DLGAP1: variants seen among roughly 807,000 people sequenced by gnomAD.
DLGAP1 encodes disks large-associated protein 1.
DLGAP1 carries 11 observed loss-of-function variants against 90.8 expected under a neutral mutation model. The observed-to-expected ratio is 0.12, with a 90% CI of 0.08 to 0.20. DLGAP1 has a LOEUF of 0.20. Among genes scored for constraint, DLGAP1 ranks in the 10% least tolerant of loss-of-function variants. The pLI is 1.00. For missense variants in DLGAP1, 1,050 were observed against 1,333.8 expected (o/e 0.79, Z 3.31); for synonymous variants, 558 against 540.7 (o/e 1.03, Z -0.44).
At position 3,729,011 on chromosome 18, in the gene DLGAP1, G is replaced by A. The variant is rs2062305355; in HGVS notation, c.1591+124C>T. 1 of 1,401,668 alleles carries A rather than the reference G, an allele frequency of 7.1e-7. No homozygotes were observed. The highest frequency in any genetic ancestry group is 9.4e-7 in the Non-Finnish European group (1 of 1,058,834). 86.8% of individuals were successfully genotyped at this position (1,401,668 alleles called of 1,614,324 possible). A position where few individuals can be genotyped will look rare whatever the true frequency, so the allele number is the denominator to read the frequency against. On this transcript the variant is annotated intron_variant, in intron 7 of 12. Transcript: ENST00000315677. This position sits in a 1 kb window ranked among gnomAD's most constrained non-coding sequence, Gnocchi z 6.2. ...GATAGGGAAGGAAAACCTTTGGTTT[G>A]TAGGACATGGGTGGTATCTTGTTCC... is the stretch of plus-strand genomic sequence containing the variant.
chr18:4,414,669 T>C (rs1416667323), intron 1 of DLGAP1, among the ~76,000 whole-genome samples: 1 of 149,342 alleles, frequency 6.7e-6, no homozygotes, highest in Non-Finnish European at 1.5e-5. Flanking sequence ...GAGGCTGCAG[T>C]GAGCCGAGAT....
intron 9 of DLGAP1, among the ~76,000 whole-genome samples, chr18:3,554,125 A>G (rs934066700): frequency 6.6e-6 from 1 of 152,040 alleles, no homozygotes; most frequent in Non-Finnish European, 1.5e-5. Context: ...GGCTTACTAG[A>G]TTTGCTAATT....
At chr18:4,231,084 G>A (rs540629901) in intron 1 of DLGAP1, among the ~76,000 whole-genome samples, 1 of 152,074 alleles carries the variant, frequency 6.6e-6, no homozygotes, top group South Asian at 2.1e-4. Context: ...CTACCAGGTA[G>A]TTTTTTTCCT....
At chr18:4,380,710 T>C (rs1263026018) in intron 1 of DLGAP1, among the ~76,000 whole-genome samples, 2 of 152,328 alleles carry the variant, frequency 1.3e-5, no homozygotes, top group African/African-American at 4.8e-5. Flanking sequence ...ATCATTAATA[T>C]GTTTCCCAGA....
rs1350884072 is a variant in DLGAP1 at position 3,772,338 on chromosome 18, C to CTT, written c.1173-29827_1173-29826insAA. ...CCTTCCTTCCTTTCTCTCCTTCTCT[C>CTT]TCTCTCTCTCTTTCTTTCTTTCTTT... On this transcript the variant is annotated intron_variant, in intron 5 of 12. Coordinates refer to ENST00000315677, the MANE Select transcript of DLGAP1 (RefSeq NM_004746.4). Among the ~76,000 whole-genome samples the CTT allele has an allele frequency of 4.6e-3, 196 of 42,302 alleles. 14 individuals carry two copies. Among genetic ancestry groups the CTT allele is most frequent in the African/African-American group, 0.017 (172 of 10,058 alleles). The allele number at this position is 42,302 out of a possible 152,430, so 27.8% of individuals were successfully genotyped here.
At chr18:3,724,983 G>C (rs1308245253) in intron 7 of DLGAP1, among the ~76,000 whole-genome samples, 1 of 151,356 alleles carries the variant, frequency 6.6e-6, no homozygotes, top group African/African-American at 2.4e-5. Context: ...TTCTGTCAAG[G>C]AGCATTATTT....
In DLGAP1 at chr18:4,226,456, T is replaced by C. The variant is rs556625790; in HGVS notation, c.-266-75169A>G. On this transcript the variant is annotated intron_variant, in intron 1 of 12. Coordinates refer to ENST00000315677, the MANE Select transcript of DLGAP1 (RefSeq NM_004746.4). Reference sequence around the variant, plus strand: ...TATCTTGAGTAGAAAGATTAAAAGATAATCTGATTAAAAATAATAACTACA... The same window carrying C: ...TATCTTGAGTAGAAAGATTAAAAGACAATCTGATTAAAAATAATAACTACA... Among the ~76,000 whole-genome samples, 7 of 152,120 alleles carry C rather than the reference T, an allele frequency of 4.6e-5. No individual in the cohort carries two copies. In the South Asian group the frequency reaches 1.5e-3, roughly 32 times the overall value.
chr18:3,916,599 T>C (rs2072150496), intron 3 of DLGAP1, among the ~76,000 whole-genome samples: 1 of 152,190 alleles, frequency 6.6e-6, no homozygotes, highest in Non-Finnish European at 1.5e-5. Flanking sequence ...TCAGTATCAT[T>C]ATAAACAACA....
At chr18:3,725,688 T>A (rs964511609) in intron 7 of DLGAP1, among the ~76,000 whole-genome samples, 5 of 152,190 alleles carry the variant, frequency 3.3e-5, no homozygotes, top group African/African-American at 4.8e-5. Context: ...TGAAGTAGAT[T>A]ACAGGCTGAA....
chr18:4,039,966 T>G (rs1291397162), intron 2 of DLGAP1, among the ~76,000 whole-genome samples: 1 of 152,224 alleles, frequency 6.6e-6, no homozygotes, highest in East Asian at 1.9e-4. Context: ...AATAAAAATT[T>G]GGAAAAATGC....
chr18:3,568,306 A>T (rs999234242), intron 8 of DLGAP1, among the ~76,000 whole-genome samples: 3 of 148,644 alleles, frequency 2.0e-5, no homozygotes, highest in African/African-American at 7.9e-5. Context: ...CCTTATTAAG[A>T]TAAACTATAG....
chr18:4,094,609 T>C (rs1287251638), intron 2 of DLGAP1, among the ~76,000 whole-genome samples: 2 of 68,796 alleles, frequency 2.9e-5, no homozygotes, highest in African/African-American at 6.5e-5. Flanking sequence ...TTCTCTTTCT[T>C]TTTTTTTTTT....
Position 4,089,713 on chromosome 18 carries a change from C to T in DLGAP1, c.-159+61467G>A, listed in dbSNP as rs555608620. 9.2e-5 allele frequency among the ~76,000 whole-genome samples: 14 copies of T among 152,262 alleles called. No individual in the cohort carries two copies. The South Asian group carries it at 2.9e-3, about 32-fold the overall frequency. On this transcript the variant is annotated intron_variant, in intron 2 of 12. Transcript: ENST00000315677. Reference sequence around the variant, plus strand: ...AGGATTCTTTATTTAATAAATGGTGCTGGGAAAACTGGCTAGCCATATGTA... The same window carrying T: ...AGGATTCTTTATTTAATAAATGGTGTTGGGAAAACTGGCTAGCCATATGTA...
intron 7 of DLGAP1, among the ~76,000 whole-genome samples, chr18:3,615,848 G>A (rs1263563464): frequency 6.6e-6 from 1 of 152,094 alleles, no homozygotes; most frequent in African/African-American, 2.4e-5. Context: ...GGTGGGGAGG[G>A]GGCATTTTAG....
chr18:4,055,222 CCA>C (rs1307885554), intron 2 of DLGAP1, among the ~76,000 whole-genome samples: 1 of 152,178 alleles, frequency 6.6e-6, no homozygotes, highest in Non-Finnish European at 1.5e-5. Flanking sequence ...TCCAAGTTCA[CCA>C]CAGCGGTTGA....
chr18:3,614,876 G>A (rs974855676), intron 7 of DLGAP1, among the ~76,000 whole-genome samples: 14 of 150,722 alleles, frequency 9.3e-5, no homozygotes, highest in Non-Finnish European at 1.8e-4. Flanking sequence ...AGTTATTGGA[G>A]TCAAACATAA....
chr18:4,352,686 C>G (rs1010014581), intron 1 of DLGAP1, among the ~76,000 whole-genome samples: 3 of 152,126 alleles, frequency 2.0e-5, no homozygotes, highest in Admixed American at 6.5e-5. Flanking sequence ...GAAAAGCTAA[C>G]ATTTCCCCAC....
chr18:3,937,273 G>A (rs996679573), intron 3 of DLGAP1, among the ~76,000 whole-genome samples: 6 of 152,200 alleles, frequency 3.9e-5, no homozygotes, highest in Admixed American at 3.3e-4. Context: ...TTGTAAAGGA[G>A]AGATGTTTAA....
intron 7 of DLGAP1, among the ~76,000 whole-genome samples, chr18:3,697,136 A>C (rs2061122175): frequency 1.3e-5 from 2 of 152,086 alleles, no homozygotes; most frequent in African/African-American, 2.4e-5. Flanking sequence ...TCTTTTCAAA[A>C]AACCAGCTCC....
Sources: gnomAD v4.1 joint callset for allele counts (sites outside exome capture counted in the v4.1 genomes callset) on GRCh38, gnomAD v4.1.1 for gene constraint, Gnocchi (gnomAD v3.1) non-coding constraint, MANE v1.5 for transcripts, NCBI Gene and HGNC (gene_info 2026-07-23, HGNC 2026-07-21) for gene names.